The following DPP10 variants were observed in gnomAD, a reference collection of about 807,000 sequenced individuals.
DPP10 encodes inactive dipeptidyl peptidase 10.
DPP10 carries 33 observed loss-of-function variants against 120.9 expected under a neutral mutation model. That is an observed-to-expected ratio of 0.27 (90% CI 0.21 to 0.37). The LOEUF (loss-of-function observed/expected upper bound fraction) is 0.37. Among genes scored for constraint, DPP10 ranks in the 10% least tolerant of loss-of-function variants. The pLI is 1.00. For synonymous variants in DPP10, 337 were observed against 326.1 expected, an observed-to-expected ratio of 1.03 and a Z score of -0.36; for missense variants, 816 against 942.8, an observed-to-expected ratio of 0.87 and a Z score of 1.76.
chr2:114,998,332 C>T (rs2104981504), intron 1 of DPP10, among the ~76,000 whole-genome samples: 1 of 152,276 alleles, frequency 6.6e-6, no homozygotes, highest in East Asian at 1.9e-4. Flanking sequence ...TTTCCTGATT[C>T]TTCATAGGAC....
chr2:114,472,041 T>G (rs1268639720), intron 1 of DPP10, among the ~76,000 whole-genome samples: 1 of 152,216 alleles, frequency 6.6e-6, no homozygotes, highest in Non-Finnish European at 1.5e-5. Flanking sequence ...GGGAGAGACC[T>G]CAGCATAACA....
At chr2:115,403,982 A>C (rs2068314981) in intron 3 of DPP10, among the ~76,000 whole-genome samples, 1 of 152,194 alleles carries the variant, frequency 6.6e-6, no homozygotes, top group Non-Finnish European at 1.5e-5. Context: ...TTTTTTAAAA[A>C]ATCTCATTTA....
chr2:114,813,295 A>C (rs1685340532), intron 1 of DPP10, among the ~76,000 whole-genome samples: 1 of 152,220 alleles, frequency 6.6e-6, no homozygotes, highest in Non-Finnish European at 1.5e-5. Flanking sequence ...GGCTATAAAC[A>C]TATTTGATTC....
chr2:115,072,766 G>T (rs1447490327), intron 1 of DPP10, among the ~76,000 whole-genome samples: 1 of 152,136 alleles, frequency 6.6e-6, no homozygotes, highest in African/African-American at 2.4e-5. Context: ...ATGAAATGAT[G>T]TATATTGAAT....
intron 3 of DPP10, among the ~76,000 whole-genome samples, chr2:115,388,146 C>T (rs997298040): frequency 2.6e-5 from 4 of 152,084 alleles, no homozygotes; most frequent in East Asian, 3.9e-4. Flanking sequence ...ATGTAAACCC[C>T]GTGAGGTGGG....
At chr2:114,943,481 T>G (rs1697119062) in intron 1 of DPP10, among the ~76,000 whole-genome samples, 1 of 151,770 alleles carries the variant, frequency 6.6e-6, no homozygotes, top group Non-Finnish European at 1.5e-5. Context: ...ACCATGTTGG[T>G]CAGGCTGGTC....
chr2:114,781,603 T>C (rs574437858), intron 1 of DPP10, among the ~76,000 whole-genome samples: 17 of 152,272 alleles, frequency 1.1e-4, no homozygotes, highest in African/African-American at 4.1e-4. Context: ...GCAGAGCTTA[T>C]GCTATGAAAA....
At chr2:115,180,200 A>G (rs898372589) in intron 1 of DPP10, among the ~76,000 whole-genome samples, 2 of 152,136 alleles carry the variant, frequency 1.3e-5, no homozygotes, top group Non-Finnish European at 2.9e-5. Flanking sequence ...TAGGAGATGT[A>G]TGGGCATGGT....
At chr2:115,466,144 T>G (rs549990305) in intron 3 of DPP10, among the ~76,000 whole-genome samples, 5 of 152,344 alleles carry the variant, frequency 3.3e-5, no homozygotes, top group Non-Finnish European at 7.3e-5. Context: ...CTCTATAAAC[T>G]GATAGACCTT....
intron 1 of DPP10, among the ~76,000 whole-genome samples, chr2:115,151,317 T>A (rs879015047): frequency 1.3e-5 from 2 of 152,210 alleles, no homozygotes; most frequent in Non-Finnish European, 1.5e-5. Context: ...TAATTTTACT[T>A]CGTGTTGATT....
At chr2:114,833,667 C>G (rs7583412) in intron 1 of DPP10, 32,339 of 152,076 alleles carry the variant, frequency 0.21, 3,698 homozygotes, top group East Asian at 0.37. Context: ...GCTGATGCCT[C>G]TAAGCCTCAG....
chr2:114,869,675 C>T (rs1690530874), intron 1 of DPP10, among the ~76,000 whole-genome samples: 1 of 152,166 alleles, frequency 6.6e-6, no homozygotes, highest in South Asian at 2.1e-4. Flanking sequence ...CATCTAGTTC[C>T]TCCCTATCTC....
At chr2:114,456,197 G>A (rs1376966993) in intron 1 of DPP10, among the ~76,000 whole-genome samples, 1 of 152,208 alleles carries the variant, frequency 6.6e-6, no homozygotes, top group African/African-American at 2.4e-5. Context: ...AGACCTCAGT[G>A]AGGCAGGAGA....
At chr2:114,781,994 C>T (rs1425398826) in intron 1 of DPP10, among the ~76,000 whole-genome samples, 2 of 151,952 alleles carry the variant, frequency 1.3e-5, no homozygotes, top group Non-Finnish European at 2.9e-5. Context: ...CTTTAAATGT[C>T]GTACACAAAT....
At chr2:115,775,147 C>A (rs1430022776) in intron 13 of DPP10, among the ~76,000 whole-genome samples, 1 of 151,394 alleles carries the variant, frequency 6.6e-6, no homozygotes, top group African/African-American at 2.4e-5. Context: ...ATTTTATATG[C>A]ATATATGAAA....
intron 1 of DPP10, among the ~76,000 whole-genome samples, chr2:114,679,053 C>T (rs1454414059): frequency 6.6e-6 from 1 of 151,998 alleles, no homozygotes; most frequent in Non-Finnish European, 1.5e-5. Flanking sequence ...TAGGAGCAGT[C>T]GCCATTCCAA....
rs1406565400 is a variant in DPP10, at chr2:115,269,758, C to A, written c.61-39481C>A. Among the ~76,000 whole-genome samples the A allele has an allele frequency of 2.6e-5, 4 of 152,204 alleles. No homozygotes were observed. In the East Asian group the frequency reaches 7.7e-4, roughly 29 times the overall value. On this transcript the variant is annotated intron_variant, in intron 1 of 25. Coordinates refer to ENST00000410059, the MANE Select transcript of DPP10 (RefSeq NM_020868.6). ...CACTTTCTATTGGTTTGTAGTAAGT[C>A]AGAAAGTCTAGCCCACATTCAAGGA...
intron 1 of DPP10, among the ~76,000 whole-genome samples, chr2:115,024,324 C>A (rs183135030): frequency 2.8e-4 from 42 of 151,968 alleles, no homozygotes; most frequent in South Asian, 2.1e-3. Context: ...AATATTGATA[C>A]GGTTGCTGTT....
chr2:115,445,974 G>C (rs1252489833), intron 3 of DPP10, among the ~76,000 whole-genome samples: 1 of 152,008 alleles, frequency 6.6e-6, no homozygotes, highest in East Asian at 1.9e-4. Flanking sequence ...TGCGGGTCTA[G>C]GAGGTCTAGG....
Sources: gnomAD v4.1 joint callset for allele counts (sites outside exome capture counted in the v4.1 genomes callset) on GRCh38, gnomAD v4.1.1 for gene constraint, MANE v1.5 for transcripts, NCBI Gene and HGNC (gene_info 2026-07-23, HGNC 2026-07-21) for gene names.